The following HCN1 variants were observed in gnomAD, a reference collection of about 807,000 sequenced individuals.
HCN1 encodes the protein hyperpolarization activated cyclic nucleotide gated potassium channel 1.
In HCN1, 13 loss-of-function variants were observed where a neutral mutation model predicts 78.9. That is an observed-to-expected ratio of 0.16 (90% CI 0.11 to 0.26). The LOEUF is 0.26. Ranked by LOEUF, HCN1 falls within the 10% of genes least tolerant of loss-of-function variation. HCN1 has a pLI of 1.00. For missense variants in HCN1, 810 were observed against 1,154.3 expected (o/e 0.70, Z 4.32); for synonymous variants, 552 against 455.5 (o/e 1.21, Z -2.70).
intron 6 of HCN1, among the ~76,000 whole-genome samples, chr5:45,283,669 G>A (rs952846118): frequency 6.6e-6 from 1 of 151,992 alleles, no homozygotes; most frequent in African/African-American, 2.4e-5. Flanking sequence ...GCAGAGAAAA[G>A]GAAACACTTA....
chr5:45,492,560 G>A (rs770760282), intron 2 of HCN1, among the ~76,000 whole-genome samples: 2 of 124,060 alleles, frequency 1.6e-5, no homozygotes, highest in East Asian at 2.4e-4. Flanking sequence ...TTGCTCTGTC[G>A]CCCAGGCTGG....
At chr5:45,342,866 A>T (rs1452785582) in intron 5 of HCN1, among the ~76,000 whole-genome samples, 1 of 152,284 alleles carries the variant, frequency 6.6e-6, no homozygotes, top group East Asian at 1.9e-4. Context: ...TTCCTTGCAC[A>T]TAGGGGACTT....
rs975907740 is a variant in HCN1, at chr5:45,407,576, G to C, written c.1012-10866C>G. 2.0e-5 allele frequency among the ~76,000 whole-genome samples: 3 copies of C among 152,024 alleles called. No individual in the cohort carries two copies. The East Asian group carries it at 5.8e-4, about 29-fold the overall frequency. ...CTCTCGTTCCACAGGCTGGAGTGCA[G>C]TGGCGCGATCTTGGCTCACTGCAAC... is the stretch of plus-strand genomic sequence containing the variant. On this transcript the variant is annotated intron_variant, in intron 3 of 7. Transcript: ENST00000303230.
intron 2 of HCN1, among the ~76,000 whole-genome samples, chr5:45,493,514 T>A (rs1337247339): frequency 6.6e-6 from 1 of 152,126 alleles, no homozygotes; most frequent in African/African-American, 2.4e-5. Flanking sequence ...TTTAAGTTCC[T>A]TTTTGTGTCT....
chr5:45,414,533 A>G (rs1740083398), intron 3 of HCN1, among the ~76,000 whole-genome samples: 1 of 152,002 alleles, frequency 6.6e-6, no homozygotes, highest in Non-Finnish European at 1.5e-5. Flanking sequence ...AGATGAGTTT[A>G]GTATCACTTG....
At chr5:45,673,072 T>TCTG (rs761755785) in intron 1 of HCN1, among the ~76,000 whole-genome samples, 1 of 151,510 alleles carries the variant, frequency 6.6e-6, no homozygotes, top group African/African-American at 2.4e-5. Context: ...TCTCCTTAGT[T>TCTG]CTGCTTCATA....
At chr5:45,295,402 A>G (rs1418274993) in intron 6 of HCN1, among the ~76,000 whole-genome samples, 1 of 151,958 alleles carries the variant, frequency 6.6e-6, no homozygotes, top group African/African-American at 2.4e-5. Flanking sequence ...AGGCCTTATG[A>G]ATGTGTCTCA....
chr5:45,498,350 T>G (rs1426063860), intron 2 of HCN1, among the ~76,000 whole-genome samples: 1 of 152,232 alleles, frequency 6.6e-6, no homozygotes, highest in African/African-American at 2.4e-5. Context: ...GTTCCATCGC[T>G]GATACTGCTT....
intron 1 of HCN1, among the ~76,000 whole-genome samples, chr5:45,654,526 T>C (rs1194293971): frequency 6.6e-6 from 1 of 152,166 alleles, no homozygotes; most frequent in South Asian, 2.1e-4. Context: ...TCAGTGGTCA[T>C]GTCGTTCTCA....
chr5:45,546,109 A>G (rs1743220304), intron 2 of HCN1, among the ~76,000 whole-genome samples: 1 of 151,956 alleles, frequency 6.6e-6, no homozygotes, highest in Admixed American at 6.6e-5. Flanking sequence ...TTTGATAGAC[A>G]TTTTCTCCTC....
chr5:45,337,649 G>A (rs1218854001), intron 5 of HCN1, among the ~76,000 whole-genome samples: 1 of 152,128 alleles, frequency 6.6e-6, no homozygotes, highest in Non-Finnish European at 1.5e-5. Context: ...TGCTTTTCCA[G>A]ATCCTGAGTT....
intron 2 of HCN1, among the ~76,000 whole-genome samples, chr5:45,511,062 A>C (rs1452336565): frequency 1.3e-5 from 2 of 152,070 alleles, no homozygotes; most frequent in Non-Finnish European, 2.9e-5. Context: ...AACTTTATAA[A>C]AGTTAATAAC....
Position 45,695,782 on chromosome 5 carries a change from G to A in HCN1, c.312C>T (p.Pro104=), listed in dbSNP as rs750291664. ...TGCGGAGGGAGAATTTGTTGACCCC[G>A]GGCTGCAGCATGGAGGTGAACTGCC... ...MQRQFTSMLQ[P]GVNKFSLRMF... is the part of the protein sequence containing the mutation. The change falls in exon 1 of 8, where the codon CCC becomes CCT. Residue 104 remains proline, a synonymous_variant. Coordinates refer to ENST00000303230, the MANE Select transcript of HCN1 (RefSeq NM_021072.4). 133 of 1,611,568 alleles carry A rather than the reference G, an allele frequency of 8.3e-5. No homozygotes were observed. Among genetic ancestry groups the A allele is most frequent in the Non-Finnish European group, 1.1e-4 (132 of 1,179,582 alleles).
intron 6 of HCN1, among the ~76,000 whole-genome samples, chr5:45,293,864 A>G (rs1392522889): frequency 6.6e-6 from 1 of 151,940 alleles, no homozygotes; most frequent in African/African-American, 2.4e-5. Flanking sequence ...CCAAGACCTG[A>G]CAAGAAAAGA....
intron 3 of HCN1, among the ~76,000 whole-genome samples, chr5:45,404,693 CAAAAAAAAA>C (rs60728403): frequency 2.4e-3 from 135 of 56,244 alleles, no homozygotes; most frequent in East Asian, 8.5e-3. Flanking sequence ...GGGCTATTTG[CAAAAAAAAA>C]AAAAAAAAAA....
At chr5:45,575,791 AAGG>A (rs1209374107) in intron 2 of HCN1, 2 of 152,168 alleles carry the variant, frequency 1.3e-5, no homozygotes, top group African/African-American at 2.4e-5. Context: ...GAAGATGTAC[AAGG>A]AGATTAATTT....
intron 2 of HCN1, among the ~76,000 whole-genome samples, chr5:45,586,571 G>A (rs1744232921): frequency 6.6e-6 from 1 of 152,086 alleles, no homozygotes; most frequent in Non-Finnish European, 1.5e-5. Context: ...GATGAACCCG[G>A]TACCTCAGTT....
At chr5:45,635,173 T>C (rs538395937) in intron 2 of HCN1, among the ~76,000 whole-genome samples, 1 of 152,110 alleles carries the variant, frequency 6.6e-6, no homozygotes, top group Non-Finnish European at 1.5e-5. Flanking sequence ...TATATAAATA[T>C]GCTCTTTAGA....
chr5:45,554,364 A>G (rs1460471517), intron 2 of HCN1, among the ~76,000 whole-genome samples: 2 of 151,792 alleles, frequency 1.3e-5, no homozygotes, highest in Admixed American at 1.3e-4. Flanking sequence ...CATGACCCTG[A>G]TAAAATGTAA....
Sources: gnomAD v4.1 joint callset for allele counts (sites outside exome capture counted in the v4.1 genomes callset) on GRCh38, gnomAD v4.1.1 for gene constraint, MANE v1.5 for transcripts, NCBI Gene and HGNC (gene_info 2026-07-23, HGNC 2026-07-21) for gene names.